The following GXYLT2 variants were observed in gnomAD, a reference collection of about 807,000 sequenced individuals.
GXYLT2 encodes the protein glycosyltransferase 8 domain containing 4.
GXYLT2 carries 53 observed loss-of-function variants against 45.8 expected under a neutral mutation model. That is an observed-to-expected ratio of 1.16 (90% CI 0.93 to 1.46). The LOEUF (loss-of-function observed/expected upper bound fraction) is 1.46. Ranked by LOEUF, GXYLT2 falls within the 40% of genes most tolerant of loss-of-function variation. GXYLT2 has a pLI of 0.00. For missense variants in GXYLT2, 551 were observed against 544.4 expected (o/e 1.01, Z -0.12); for synonymous variants, 219 against 214.2 (o/e 1.02, Z -0.19).
intron 3 of GXYLT2, among the ~76,000 whole-genome samples, chr3:72,946,148 A>C (rs1040205927): frequency 2.0e-5 from 3 of 151,756 alleles, no homozygotes; most frequent in Non-Finnish European, 4.4e-5. Context: ...CTGATGATAT[A>C]TGCCTGCGGT....
At chr3:72,964,318 T>G (rs1710820587) in intron 5 of GXYLT2, among the ~76,000 whole-genome samples, 1 of 150,542 alleles carries the variant, frequency 6.6e-6, no homozygotes, top group African/African-American at 2.5e-5. Flanking sequence ...GGTTTCTCTC[T>G]TTTTTTTTCT....
chr3:72,897,992 A>G (rs559501544), intron 1 of GXYLT2, among the ~76,000 whole-genome samples: 3 of 152,346 alleles, frequency 2.0e-5, no homozygotes, highest in East Asian at 1.9e-4. Flanking sequence ...ATATATTTAC[A>G]TATTTATATA....
intron 1 of GXYLT2, among the ~76,000 whole-genome samples, chr3:72,904,174 T>A (rs1288517755): frequency 6.6e-6 from 1 of 152,252 alleles, no homozygotes; most frequent in Non-Finnish European, 1.5e-5. Context: ...ACAGCAGTGC[T>A]AGAATTCCCT....
intron 1 of GXYLT2, among the ~76,000 whole-genome samples, chr3:72,902,005 G>A (rs950403441): frequency 2.6e-5 from 4 of 152,056 alleles, no homozygotes; most frequent in Non-Finnish European, 4.4e-5. Flanking sequence ...AGCATGCATC[G>A]TTATCATACT....
At chr3:72,944,489 G>T (rs1205024139) in intron 3 of GXYLT2, among the ~76,000 whole-genome samples, 4 of 151,588 alleles carry the variant, frequency 2.6e-5, no homozygotes, top group African/African-American at 9.7e-5. Context: ...TCCTGACCTC[G>T]AGTGATCCGC....
In GXYLT2 at chr3:72,955,243, T is replaced by C. The variant is rs758463426; in HGVS notation, c.746T>C (p.Ile249Thr). ...AMAPEHEIPK[I>T]GWYSRFARHP... ...GCCCCTGAGCACGAAATCCCCAAGATTGGCTGGTACAGCCGCTTTGCTAGG... is the reference window on the plus strand; with the variant it reads ...GCCCCTGAGCACGAAATCCCCAAGACTGGCTGGTACAGCCGCTTTGCTAGG... The change falls in exon 4 of 7, where the codon ATT (isoleucine) becomes ACT (threonine). Residue 249 changes from isoleucine to threonine, a missense_variant. Physicochemically the swap from Ile to Thr is moderately conservative, Grantham distance 89 (BLOSUM62 -1). Coordinates refer to ENST00000389617, the MANE Select transcript of GXYLT2 (RefSeq NM_001080393.2). 87 of 1,614,038 alleles carry C rather than the reference T, an allele frequency of 5.4e-5. No individual in the cohort carries two copies. The highest frequency in any genetic ancestry group is 4.0e-4 in the Admixed American group (24 of 60,026).
intron 3 of GXYLT2, among the ~76,000 whole-genome samples, chr3:72,954,637 AAAAT>A (rs3078689): frequency 0.025 from 3,425 of 135,968 alleles, 134 homozygotes; most frequent in African/African-American, 0.088. Context: ...CTCCATCTCA[AAAAT>A]AAATAAATAA....
intron 5 of GXYLT2, among the ~76,000 whole-genome samples, chr3:72,964,438 T>C (rs1710823964): frequency 6.6e-6 from 1 of 152,100 alleles, no homozygotes; most frequent in South Asian, 2.1e-4. Flanking sequence ...TTCTCCTGCC[T>C]CAGCCCCCCG....
chr3:72,954,417 G>GTGTGTA (rs1710590061), intron 3 of GXYLT2, among the ~76,000 whole-genome samples: 1 of 150,500 alleles, frequency 6.6e-6, no homozygotes, highest in Non-Finnish European at 1.5e-5. Flanking sequence ...GTGTGTGTGT[G>GTGTGTA]TGTGTGTGTG....
intron 1 of GXYLT2, among the ~76,000 whole-genome samples, chr3:72,905,637 A>G (rs1709496020): frequency 2.0e-5 from 3 of 152,154 alleles, no homozygotes; most frequent in African/African-American, 7.2e-5. Flanking sequence ...TTCAGGTTAT[A>G]TATGCAGGAG....
At position 72,967,588 on chromosome 3, in the gene GXYLT2, G is replaced by A. The variant is rs757254135; in HGVS notation, c.1018G>A (p.Asp340Asn). Residue 340 changes from aspartate (D) to asparagine (N), a missense_variant, in exon 6 of 7, where the codon GAT (aspartate) becomes AAT (asparagine). Transcript: ENST00000389617. Reference sequence around the variant, plus strand: ...CCCCTGCCAGTGGAACTACCGTCCCGATCACTGCATGTACGGAAGCAACTG... The same window carrying A: ...CCCCTGCCAGTGGAACTACCGTCCCAATCACTGCATGTACGGAAGCAACTG... ...VFPCQWNYRPDHCMYGSNCRE... is the reference protein window; with the variant it reads ...VFPCQWNYRPNHCMYGSNCRE... 1.1e-5 allele frequency: 17 copies of A among 1,613,666 alleles called. No individual in the cohort carries two copies. The Admixed American group carries it at 1.2e-4, about 11-fold the overall frequency.
intron 3 of GXYLT2, among the ~76,000 whole-genome samples, chr3:72,936,603 G>C (rs1710185187): frequency 6.6e-6 from 1 of 152,138 alleles, no homozygotes; most frequent in African/African-American, 2.4e-5. Context: ...TCGCACCATT[G>C]CACTCCAGTC....
chr3:72,914,538 T>C lies in GXYLT2; in HGVS notation c.468+5979T>C, dbSNP rs543997230. Among the ~76,000 whole-genome samples the C allele has an allele frequency of 1.2e-4, 18 of 151,468 alleles. 1 individual carries two copies. In the South Asian group the frequency reaches 3.5e-3, roughly 30 times the overall value. On this transcript the variant is annotated intron_variant, in intron 2 of 6. Coordinates refer to ENST00000389617, the MANE Select transcript of GXYLT2 (RefSeq NM_001080393.2). The stretch of plus-strand genomic sequence containing the variant: ...ATATTTACATATATATGTGTGTGTG[T>C]GTGTGTGTGCGCGCGCGCGCTTGCG...
intron 3 of GXYLT2, among the ~76,000 whole-genome samples, chr3:72,925,553 G>A (rs939165505): frequency 6.6e-6 from 1 of 152,104 alleles, no homozygotes; most frequent in Admixed American, 6.6e-5. Flanking sequence ...AAATCTCTAG[G>A]TTGGTGATAT....
chr3:72,936,387 C>T (rs1272980626), intron 3 of GXYLT2, among the ~76,000 whole-genome samples: 5 of 151,946 alleles, frequency 3.3e-5, no homozygotes, highest in East Asian at 3.9e-4. Flanking sequence ...AGCACAGTGG[C>T]TCATGCCTAT....
intron 1 of GXYLT2, among the ~76,000 whole-genome samples, chr3:72,892,020 AG>A (rs1435454936): frequency 1.3e-5 from 2 of 152,206 alleles, no homozygotes; most frequent in Admixed American, 6.5e-5. Context: ...CATACAGAAA[AG>A]GAAGGTTAAC....
intron 1 of GXYLT2, among the ~76,000 whole-genome samples, chr3:72,895,359 G>A (rs1323590822): frequency 1.3e-5 from 2 of 152,292 alleles, no homozygotes; most frequent in African/African-American, 4.8e-5. Flanking sequence ...ATTCTGTGAT[G>A]TAATGAGTTC....
At chr3:72,900,698 A>G (rs1173084458) in intron 1 of GXYLT2, among the ~76,000 whole-genome samples, 5 of 151,882 alleles carry the variant, frequency 3.3e-5, no homozygotes. Context: ...GAATACAGGC[A>G]TGAGTTACCA....
At chr3:72,895,741 A>G (rs1709275670) in intron 1 of GXYLT2, among the ~76,000 whole-genome samples, 1 of 152,216 alleles carries the variant, frequency 6.6e-6, no homozygotes, top group Non-Finnish European at 1.5e-5. Context: ...TCAAATTATG[A>G]AGTTCCGAAA....
Sources: gnomAD v4.1 joint callset for allele counts (sites outside exome capture counted in the v4.1 genomes callset) on GRCh38, gnomAD v4.1.1 for gene constraint, MANE v1.5 for transcripts, NCBI Gene and HGNC (gene_info 2026-07-23, HGNC 2026-07-21) for gene names.